The following CNTN5 variants were observed in gnomAD, a reference collection of about 807,000 sequenced individuals.
CNTN5 encodes contactin-5.
Under a neutral mutation model 129.1 loss-of-function variants are expected in CNTN5, and 77 were observed. That is an observed-to-expected ratio of 0.60 (90% CI 0.50 to 0.72). The LOEUF (loss-of-function observed/expected upper bound fraction) is 0.72, where lower values mean the gene tolerates loss of function less well. CNTN5 is among the 30% of genes least tolerant of loss of function. The pLI is 0.00. For missense variants in CNTN5, 1,478 were observed against 1,328.8 expected, an observed-to-expected ratio of 1.11 and a Z score of -1.75; for synonymous variants, 509 against 465.6, an observed-to-expected ratio of 1.09 and a Z score of -1.20.
intron 13 of CNTN5, among the ~76,000 whole-genome samples, chr11:100,151,667 G>T (rs1375163713): frequency 1.3e-5 from 2 of 152,106 alleles, no homozygotes; most frequent in East Asian, 1.9e-4. Flanking sequence ...ATCTATTCCC[G>T]CTCTACCTAT....
chr11:99,934,823 T>G (rs1236208912), intron 7 of CNTN5, among the ~76,000 whole-genome samples: 1 of 148,856 alleles, frequency 6.7e-6, no homozygotes, highest in Non-Finnish European at 1.5e-5. Context: ...TGCAGTGAGC[T>G]GAGATCGCAC....
chr11:99,185,433 C>G (rs1858294164), intron 1 of CNTN5, among the ~76,000 whole-genome samples: 1 of 151,782 alleles, frequency 6.6e-6, no homozygotes, highest in Non-Finnish European at 1.5e-5. Flanking sequence ...AAAATGATTA[C>G]TAAAATAGAC....
chr11:99,903,389 A>T lies in CNTN5; in HGVS notation c.578-12665A>T, dbSNP rs1204077291. Among the ~76,000 whole-genome samples, 4 of 152,092 alleles carry T rather than the reference A, an allele frequency of 2.6e-5. 1 individual carries two copies. Among genetic ancestry groups the T allele is most frequent in the Middle Eastern group, 6.9e-3 (2 of 290 alleles). ...AAAACAGTCCTTTACAGGAATTCTT[A>T]TGCAGTTTGGGACTGGATTGGATTT... On this transcript the variant is annotated intron_variant, in intron 6 of 24. Coordinates refer to ENST00000524871, the MANE Select transcript of CNTN5 (RefSeq NM_014361.4).
chr11:99,083,031 T>C (rs1865869297), intron 1 of CNTN5, among the ~76,000 whole-genome samples: 1 of 123,632 alleles, frequency 8.1e-6, no homozygotes, highest in African/African-American at 2.7e-5. Context: ...ATAAATGATT[T>C]AAACACACAC....
chr11:99,154,487 G>A (rs1253300797), intron 1 of CNTN5, among the ~76,000 whole-genome samples: 2 of 152,282 alleles, frequency 1.3e-5, no homozygotes, highest in East Asian at 3.9e-4. Context: ...GGGTGGCAAG[G>A]AGCACTCACA....
At chr11:100,060,118 G>T (rs1440621149) in intron 9 of CNTN5, among the ~76,000 whole-genome samples, 2 of 151,724 alleles carry the variant, frequency 1.3e-5, no homozygotes, top group African/African-American at 4.8e-5. Flanking sequence ...ACTGAGGCAG[G>T]AGAATTGCTT....
intron 9 of CNTN5, among the ~76,000 whole-genome samples, chr11:100,037,245 G>T (rs1359829483): frequency 6.8e-6 from 1 of 147,636 alleles, no homozygotes; most frequent in East Asian, 2.0e-4. Flanking sequence ...TTTGTCTTTG[G>T]TTCTGTTTAT....
At chr11:99,494,932 T>G (rs1946168509) in intron 2 of CNTN5, among the ~76,000 whole-genome samples, 1 of 152,224 alleles carries the variant, frequency 6.6e-6, no homozygotes, top group Non-Finnish European at 1.5e-5. Flanking sequence ...TGCTCATATT[T>G]TGTTACAATT....
intron 8 of CNTN5, among the ~76,000 whole-genome samples, chr11:99,982,985 G>A (rs1408155663): frequency 1.3e-5 from 2 of 152,126 alleles, no homozygotes. Flanking sequence ...ACCATGGAGG[G>A]CCCAAAGAGT....
chr11:100,151,887 A>T (rs1947073095), intron 13 of CNTN5, among the ~76,000 whole-genome samples: 1 of 152,144 alleles, frequency 6.6e-6, no homozygotes, highest in African/African-American at 2.4e-5. Flanking sequence ...TTATTCCTAC[A>T]TGAAAGCCTC....
At chr11:99,347,175 A>G (rs1200369924) in intron 2 of CNTN5, among the ~76,000 whole-genome samples, 1 of 152,188 alleles carries the variant, frequency 6.6e-6, no homozygotes, top group Non-Finnish European at 1.5e-5. Flanking sequence ...TTCAAGTTCA[A>G]TCACAATCCT....
chr11:99,133,615 C>CAAAAAAAAAAAAAAAAAAAAAAACA lies in CNTN5; in HGVS notation c.-210+112347_-210+112348insAAAAAAAAAAAAAAAAAAAAACAAA. ...GCAAAGGATAGGAACAGACACTTCT[C>CAAAAAAAAAAAAAAAAAAAAAAACA]AAGAAAAAAAAAAGACCATACATGC... is the stretch of plus-strand genomic sequence containing the variant. On this transcript the variant is annotated intron_variant, in intron 1 of 24. Coordinates refer to ENST00000524871, the MANE Select transcript of CNTN5 (RefSeq NM_014361.4). Among the ~76,000 whole-genome samples, 2 of 105,998 alleles carry CAAAAAAAAAAAAAAAAAAAAAAACA rather than the reference C, an allele frequency of 1.9e-5. 1 individual carries two copies. The highest frequency in any genetic ancestry group is 3.8e-5 in the Non-Finnish European group (2 of 53,012). 69.5% of individuals were successfully genotyped at this position (105,998 alleles called of 152,430 possible).
intron 1 of CNTN5, among the ~76,000 whole-genome samples, chr11:99,260,875 T>C (rs892938320): frequency 6.6e-6 from 1 of 151,942 alleles, no homozygotes; most frequent in Non-Finnish European, 1.5e-5. Flanking sequence ...ATGCTATGTA[T>C]GTATAACATC....
chr11:99,107,602 C>T (rs1867058744), intron 1 of CNTN5, among the ~76,000 whole-genome samples: 1 of 151,784 alleles, frequency 6.6e-6, no homozygotes, highest in African/African-American at 2.4e-5. Flanking sequence ...TTAAAGTTTA[C>T]ATTGCAGAAA....
intron 13 of CNTN5, among the ~76,000 whole-genome samples, chr11:100,081,462 A>G (rs1280860207): frequency 6.6e-6 from 1 of 152,140 alleles, no homozygotes; most frequent in African/African-American, 2.4e-5. Flanking sequence ...ATTGCATCTT[A>G]CTACAGAAGC....
At chr11:99,598,770 T>G (rs958052117) in intron 3 of CNTN5, among the ~76,000 whole-genome samples, 20 of 152,010 alleles carry the variant, frequency 1.3e-4, no homozygotes, top group African/African-American at 4.8e-4. Flanking sequence ...CCATAAACTT[T>G]TGCTAATATT....
chr11:99,646,179 C>A (rs1363055009), intron 3 of CNTN5, among the ~76,000 whole-genome samples: 2 of 152,102 alleles, frequency 1.3e-5, no homozygotes, highest in Admixed American at 1.3e-4. Context: ...TTTTGTCGGG[C>A]AGCTCATGTC....
At position 99,209,775 on chromosome 11, in the gene CNTN5, C is replaced by T. The variant is rs927001061; in HGVS notation, c.-209-115571C>T. 6.6e-5 allele frequency among the ~76,000 whole-genome samples: 10 copies of T among 152,134 alleles called. No homozygotes were observed. In the East Asian group the frequency reaches 9.6e-4, roughly 15 times the overall value. ...AAATTCTAGATCAGAACGTAATTTA[C>T]TAATTTACTGCCAATGAACAGACAC... On this transcript the variant is annotated intron_variant, in intron 1 of 24. Transcript: ENST00000524871.
intron 2 of CNTN5, among the ~76,000 whole-genome samples, chr11:99,419,846 C>T (rs570055588): frequency 6.6e-6 from 1 of 151,972 alleles, no homozygotes; most frequent in South Asian, 2.1e-4. Flanking sequence ...ATGACTTCTC[C>T]CTGTAACTCA....
Sources: gnomAD v4.1 joint callset for allele counts (sites outside exome capture counted in the v4.1 genomes callset) on GRCh38, gnomAD v4.1.1 for gene constraint, MANE v1.5 for transcripts, NCBI Gene and HGNC (gene_info 2026-07-23, HGNC 2026-07-21) for gene names.